GRM1: variants seen among roughly 807,000 people sequenced by gnomAD.
GRM1 encodes the protein glutamate metabotropic receptor 1.
Under a neutral mutation model 90.9 loss-of-function variants are expected in GRM1, and 33 were observed. That is an observed-to-expected ratio of 0.36 (90% CI 0.28 to 0.49). The LOEUF (loss-of-function observed/expected upper bound fraction) is 0.49. Among genes scored for constraint, GRM1 ranks in the 20% least tolerant of loss-of-function variants. The pLI is 0.99. For synonymous variants in GRM1, 700 were observed against 613.2 expected (o/e 1.14, Z -2.09); for missense variants, 1,190 against 1,534.3 (o/e 0.78, Z 3.75).
chr6:146,120,018 A>G (rs1775919672), intron 1 of GRM1, among the ~76,000 whole-genome samples: 1 of 152,200 alleles, frequency 6.6e-6, no homozygotes. Context: ...TTGAATCTAT[A>G]AATTACCTTG....
At chr6:146,424,512 G>C (rs964493341) in intron 7 of GRM1, among the ~76,000 whole-genome samples, 1 of 152,218 alleles carries the variant, frequency 6.6e-6, no homozygotes, top group Non-Finnish European at 1.5e-5. Context: ...ATCTCCCAGC[G>C]CATGCTCTAT....
intron 3 of GRM1, among the ~76,000 whole-genome samples, chr6:146,345,138 G>A (rs1379041134): frequency 6.6e-6 from 1 of 152,156 alleles, no homozygotes; most frequent in Non-Finnish European, 1.5e-5. Flanking sequence ...TTATTCCCAT[G>A]TGTTGCTAAT....
rs542284774 is a variant in GRM1 at position 146,095,831 on chromosome 6, T to G, written c.701-63517T>G. 6.6e-5 allele frequency among the ~76,000 whole-genome samples: 10 copies of G among 152,268 alleles called. No individual in the cohort carries two copies. In the Middle Eastern group the frequency reaches 0.017, roughly 259 times the overall value. On this transcript the variant is annotated intron_variant, in intron 1 of 7. Coordinates refer to ENST00000282753, the MANE Select transcript of GRM1 (RefSeq NM_001278064.2). ...ACTCTAAGGTTGGAGGGAGCTTGAC[T>G]TAGAAGCTTCTTAGCATCTCTAAAA...
chr6:146,124,264 T>G (rs1009374397), intron 1 of GRM1, among the ~76,000 whole-genome samples: 2 of 152,212 alleles, frequency 1.3e-5, no homozygotes, highest in Non-Finnish European at 2.9e-5. Context: ...ACTGAAGACT[T>G]CATAGCATAA....
At chr6:146,168,335 C>T (rs1428029086) in intron 2 of GRM1, among the ~76,000 whole-genome samples, 1 of 151,884 alleles carries the variant, frequency 6.6e-6, no homozygotes, top group African/African-American at 2.4e-5. Flanking sequence ...GAATATTATA[C>T]TGCATCACAT....
intron 3 of GRM1, among the ~76,000 whole-genome samples, chr6:146,334,392 C>T (rs529951185): frequency 6.6e-6 from 1 of 152,288 alleles, no homozygotes; most frequent in South Asian, 2.1e-4. Context: ...CTATTTCCTT[C>T]TAATACTTTT....
intron 1 of GRM1, among the ~76,000 whole-genome samples, chr6:146,077,030 T>C (rs1404766158): frequency 6.6e-6 from 1 of 152,202 alleles, no homozygotes; most frequent in Non-Finnish European, 1.5e-5. Context: ...AGGCAGTGGA[T>C]GACAGAGACT....
chr6:146,111,393 C>A (rs886666762), intron 1 of GRM1, among the ~76,000 whole-genome samples: 2 of 152,028 alleles, frequency 1.3e-5, no homozygotes, highest in Non-Finnish European at 2.9e-5. Flanking sequence ...GGTGTGCACA[C>A]CAATGAACAA....
intron 2 of GRM1, among the ~76,000 whole-genome samples, chr6:146,227,105 A>AT (rs1284199434): frequency 8.5e-5 from 13 of 152,132 alleles, no homozygotes; most frequent in Non-Finnish European, 2.9e-5. Context: ...TAGTGCAATT[A>AT]TATCAATTTT....
At chr6:146,410,759 T>C (rs925256158) in intron 7 of GRM1, among the ~76,000 whole-genome samples, 1 of 152,100 alleles carries the variant, frequency 6.6e-6, no homozygotes, top group Admixed American at 6.6e-5. Flanking sequence ...TAAAGAGATT[T>C]GGAGGCAAAC....
intron 7 of GRM1, among the ~76,000 whole-genome samples, chr6:146,417,787 C>T (rs1777840594): frequency 6.6e-6 from 1 of 152,090 alleles, no homozygotes; most frequent in Non-Finnish European, 1.5e-5. Flanking sequence ...TTCAAAACAT[C>T]CTGAGGTGAA....
At chr6:146,157,028 G>GT (rs1777548663) in intron 1 of GRM1, among the ~76,000 whole-genome samples, 2 of 152,292 alleles carry the variant, frequency 1.3e-5, no homozygotes, top group African/African-American at 4.8e-5. Context: ...CCCAAGGGCA[G>GT]TTCAGTCTGA....
At chr6:146,145,736 G>A (rs548188532) in intron 1 of GRM1, among the ~76,000 whole-genome samples, 1 of 152,188 alleles carries the variant, frequency 6.6e-6, no homozygotes, top group Non-Finnish European at 1.5e-5. Flanking sequence ...GAACAGAAAT[G>A]TTGGGTTGGA....
chr6:146,416,041 A>G (rs1053356647), intron 7 of GRM1, among the ~76,000 whole-genome samples: 8 of 152,140 alleles, frequency 5.3e-5, no homozygotes, highest in African/African-American at 1.7e-4. Flanking sequence ...TGCATGATAT[A>G]CCATTTTCCA....
intron 5 of GRM1, among the ~76,000 whole-genome samples, chr6:146,368,210 G>C (rs1775764704): frequency 7.4e-6 from 1 of 135,000 alleles, no homozygotes; most frequent in Non-Finnish European, 1.5e-5. Flanking sequence ...TGTTGATGTT[G>C]CATCCTGCAA....
At position 146,314,233 on chromosome 6, in the gene GRM1, A is replaced by AT. The variant is rs569665452; in HGVS notation, c.1186+9400dup. Among the ~76,000 whole-genome samples the AT allele has an allele frequency of 5.1e-3, 714 of 140,940 alleles. 2 individuals are homozygous for AT. The highest frequency in any genetic ancestry group is 0.012 in the African/African-American group (463 of 38,766). The allele number at this position is 140,940 out of a possible 152,430, so 92.5% of individuals were successfully genotyped here. A position where few individuals can be genotyped will look rare whatever the true frequency, so the allele number is the denominator to read the frequency against. ...AGGCATGTGCTACCATGCCCGATTA[A>AT]TTTTTTTTTTTTTGGTATTTTTAGT... is the stretch of plus-strand genomic sequence containing the variant. On this transcript the variant is annotated intron_variant, in intron 3 of 7. Coordinates refer to ENST00000282753, the MANE Select transcript of GRM1 (RefSeq NM_001278064.2).
intron 7 of GRM1, among the ~76,000 whole-genome samples, chr6:146,412,414 A>G (rs897697846): frequency 2.0e-5 from 3 of 152,164 alleles, no homozygotes; most frequent in Non-Finnish European, 4.4e-5. Flanking sequence ...TGGGGTTCAT[A>G]GCAGCTCACC....
intron 2 of GRM1, among the ~76,000 whole-genome samples, chr6:146,277,041 G>A (rs1033031990): frequency 1.3e-4 from 20 of 152,180 alleles, no homozygotes; most frequent in African/African-American, 4.8e-4. Flanking sequence ...GATTGAGGCT[G>A]CAGTTAGCCA....
At chr6:146,361,322 G>A (rs982721801) in intron 5 of GRM1, among the ~76,000 whole-genome samples, 7 of 152,158 alleles carry the variant, frequency 4.6e-5, no homozygotes, top group Admixed American at 3.3e-4. Flanking sequence ...AGAACTCTCC[G>A]AGTGCTGATA....
Sources: allele counts gnomAD v4.1 joint callset (sites outside exome capture counted in the v4.1 genomes callset), GRCh38; gene constraint gnomAD v4.1.1; transcripts MANE v1.5; gene names NCBI Gene and HGNC (gene_info 2026-07-23, HGNC 2026-07-21).